NRXN3: variants seen among roughly 807,000 people sequenced by gnomAD.
NRXN3 encodes the protein neurexin III.
Under a neutral mutation model 137.6 loss-of-function variants are expected in NRXN3, and 32 were observed. The observed-to-expected ratio is 0.23, with a 90% CI of 0.18 to 0.31. The LOEUF is 0.31. Ranked by LOEUF, NRXN3 falls within the 10% of genes least tolerant of loss-of-function variation. The pLI, the probability that NRXN3 is intolerant of heterozygous loss-of-function variation, is 1.00. For missense variants in NRXN3, 1,574 were observed against 2,062.5 expected (o/e 0.76, Z 4.59); for synonymous variants, 798 against 784.5 (o/e 1.02, Z -0.29).
At chr14:79,313,858 C>A (rs2087633817) in intron 15 of NRXN3, among the ~76,000 whole-genome samples, 1 of 119,704 alleles carries the variant, frequency 8.4e-6, no homozygotes, top group African/African-American at 3.3e-5. Context: ...TCAAAGTTTT[C>A]AACTTCTTTG....
At chr14:79,803,576 T>C (rs2099190436) in intron 19 of NRXN3, among the ~76,000 whole-genome samples, 3 of 152,082 alleles carry the variant, frequency 2.0e-5, no homozygotes, top group Admixed American at 2.0e-4. Context: ...TTTAACTTCA[T>C]TACCTCTTTA....
At chr14:79,343,856 C>T (rs1023341769) in intron 15 of NRXN3, among the ~76,000 whole-genome samples, 1 of 152,084 alleles carries the variant, frequency 6.6e-6, no homozygotes, top group Admixed American at 6.6e-5. Flanking sequence ...CCAGGCTGAT[C>T]TCGAACTCCT....
At chr14:78,343,737 C>T (rs2082392757) in intron 4 of NRXN3, among the ~76,000 whole-genome samples, 1 of 152,188 alleles carries the variant, frequency 6.6e-6, no homozygotes, top group Non-Finnish European at 1.5e-5. Flanking sequence ...CAGCACAAAA[C>T]CTCCTCCAGC....
chr14:78,230,015 T>C (rs1331854378), intron 1 of NRXN3, among the ~76,000 whole-genome samples: 1 of 152,018 alleles, frequency 6.6e-6, no homozygotes, highest in East Asian at 1.9e-4. Context: ...GTAGATCCCT[T>C]TATTTTTATT....
intron 4 of NRXN3, among the ~76,000 whole-genome samples, chr14:78,355,651 C>T (rs1055104136): frequency 5.9e-5 from 9 of 152,196 alleles, no homozygotes; most frequent in African/African-American, 1.9e-4. Context: ...AACTGCTGGC[C>T]TGAAGTGATC....
At chr14:79,631,532 G>T (rs1347616472) in intron 16 of NRXN3, among the ~76,000 whole-genome samples, 1 of 152,252 alleles carries the variant, frequency 6.6e-6, no homozygotes, top group Non-Finnish European at 1.5e-5. Flanking sequence ...CCCCGCACTG[G>T]GCGCAGCCGG....
intron 20 of NRXN3, among the ~76,000 whole-genome samples, chr14:79,831,410 G>A (rs1262758771): frequency 1.3e-5 from 2 of 152,184 alleles, no homozygotes; most frequent in East Asian, 3.9e-4. Flanking sequence ...CGCTTCCTCT[G>A]GTTAGACAAA....
At chr14:78,856,891 GC>G (rs2099058799) in intron 10 of NRXN3, among the ~76,000 whole-genome samples, 1 of 151,964 alleles carries the variant, frequency 6.6e-6, no homozygotes, top group Non-Finnish European at 1.5e-5. Context: ...GTGTCACAAT[GC>G]CAAGCTAATT....
At chr14:79,848,033 T>C (rs953000372) in intron 20 of NRXN3, among the ~76,000 whole-genome samples, 4 of 152,172 alleles carry the variant, frequency 2.6e-5, no homozygotes, top group African/African-American at 9.6e-5. Flanking sequence ...TAGCACAGAA[T>C]AGGGCACAAC....
intron 15 of NRXN3, among the ~76,000 whole-genome samples, chr14:79,437,014 T>C (rs1279194089): frequency 6.6e-6 from 1 of 152,138 alleles, no homozygotes. Context: ...AAAAACCTTT[T>C]AGTGTTTCTC....
chr14:79,738,289 G>A (rs1303873169), intron 19 of NRXN3, among the ~76,000 whole-genome samples: 1 of 150,726 alleles, frequency 6.6e-6, no homozygotes, highest in East Asian at 2.0e-4. Context: ...CCTTATAAGA[G>A]TGAGGCAGAG....
At chr14:79,709,935 G>T (rs909220543) in intron 19 of NRXN3, among the ~76,000 whole-genome samples, 6 of 152,076 alleles carry the variant, frequency 3.9e-5, no homozygotes, top group African/African-American at 1.4e-4. Flanking sequence ...CTATTGGCAA[G>T]GGGGAGGGGA....
intron 15 of NRXN3, among the ~76,000 whole-genome samples, chr14:79,323,411 C>A (rs1566798966): frequency 6.6e-6 from 1 of 152,078 alleles, no homozygotes; most frequent in Non-Finnish European, 1.5e-5. Context: ...GGAATCTGTG[C>A]TTAGAAGCCA....
intron 10 of NRXN3, among the ~76,000 whole-genome samples, chr14:78,855,610 C>T (rs2099054931): frequency 6.6e-6 from 1 of 152,084 alleles, no homozygotes; most frequent in Admixed American, 6.6e-5. Flanking sequence ...ACAAAAAAAA[C>T]TAAACCTGTT....
intron 15 of NRXN3, among the ~76,000 whole-genome samples, chr14:79,236,545 C>G (rs1307446011): frequency 6.6e-6 from 1 of 151,882 alleles, no homozygotes; most frequent in Non-Finnish European, 1.5e-5. Flanking sequence ...TTAACCATTC[C>G]CCAGGGTAGA....
intron 15 of NRXN3, among the ~76,000 whole-genome samples, chr14:79,367,040 G>A (rs2093922416): frequency 7.2e-6 from 1 of 139,602 alleles, no homozygotes; most frequent in Admixed American, 8.0e-5. Flanking sequence ...CTGGAGTGCA[G>A]TGGCGCATTC....
intron 1 of NRXN3, among the ~76,000 whole-genome samples, chr14:78,185,842 T>C (rs554790829): frequency 6.6e-6 from 1 of 152,300 alleles, no homozygotes; most frequent in East Asian, 1.9e-4. Flanking sequence ...TTTGGACCAA[T>C]CACAATGGGA....
At chr14:78,474,342 GAC>G (rs1567694243) in intron 4 of NRXN3, among the ~76,000 whole-genome samples, 1 of 152,150 alleles carries the variant, frequency 6.6e-6, no homozygotes, top group Non-Finnish European at 1.5e-5. Context: ...AGCTGTCCCA[GAC>G]CTTATAGCAG....
chr14:78,840,395 C>G (rs1254643341), intron 10 of NRXN3, among the ~76,000 whole-genome samples: 1 of 152,024 alleles, frequency 6.6e-6, no homozygotes, highest in Non-Finnish European at 1.5e-5. Flanking sequence ...GAGATTGGAT[C>G]AATATATAAA....
Sources: gnomAD v4.1 joint callset for allele counts (sites outside exome capture counted in the v4.1 genomes callset) on GRCh38, gnomAD v4.1.1 for gene constraint, MANE v1.5 for transcripts, NCBI Gene and HGNC (gene_info 2026-07-23, HGNC 2026-07-21) for gene names.